Variants in TPTE observed in about 807,000 individuals in gnomAD.
TPTE encodes the protein putative tyrosine-protein phosphatase TPTE.
A neutral mutation model predicts 84.1 loss-of-function variants in TPTE; 59 were observed. That is an observed-to-expected ratio of 0.70 (90% CI 0.57 to 0.87). TPTE has a LOEUF of 0.87. TPTE is among the 40% of genes least tolerant of loss of function. TPTE has a pLI of 0.00. For missense variants in TPTE, 382 were observed against 659.6 expected, an observed-to-expected ratio of 0.58 and a Z score of 4.61; for synonymous variants, 130 against 223.5, an observed-to-expected ratio of 0.58 and a Z score of 3.73.
intron 14 of TPTE, among the ~76,000 whole-genome samples, chr21:10,572,168 C>T (rs1314734705): frequency 1.5e-4 from 23 of 152,276 alleles, no homozygotes; most frequent in African/African-American, 5.5e-4. Context: ...AGGGAATATT[C>T]ATCAGGTGCG....
At chr21:10,544,237 G>A (rs2074424564) in intron 7 of TPTE, among the ~76,000 whole-genome samples, 2 of 152,302 alleles carry the variant, frequency 1.3e-5, no homozygotes, top group Admixed American at 1.3e-4. Flanking sequence ...GCTGATTAAG[G>A]AAACATCTAG....
Position 10,605,572 on chromosome 21 carries a change from T to G in TPTE, c.*20T>G. The G allele has an allele frequency of 6.2e-7, 1 of 1,613,912 alleles. No homozygotes were observed. The highest frequency in any genetic ancestry group is 8.5e-7 in the Non-Finnish European group (1 of 1,179,850). On this transcript the variant is annotated 3_prime_UTR_variant, in exon 24 of 24. Transcript: ENST00000618007. ...GATTAAGTATAGCTCCCCCTTCCCC[T>G]TCTGGGAAAGAATTATGTTCTTTCC...
intron 21 of TPTE, among the ~76,000 whole-genome samples, chr21:10,600,474 C>CT (rs1978338021): frequency 6.6e-6 from 1 of 152,306 alleles, no homozygotes; most frequent in Non-Finnish European, 1.5e-5. Context: ...TATTGCTGGT[C>CT]TTTTTCCCTC....
intron 23 of TPTE, among the ~76,000 whole-genome samples, chr21:10,604,808 T>C (rs1381455274): frequency 6.6e-6 from 1 of 152,106 alleles, no homozygotes; most frequent in Non-Finnish European, 1.5e-5. Flanking sequence ...CTTTTATTCT[T>C]ATTTTATATA....
intron 14 of TPTE, among the ~76,000 whole-genome samples, chr21:10,571,141 A>G (rs564711389): frequency 9.7e-4 from 148 of 152,082 alleles, no homozygotes; most frequent in Admixed American, 8.0e-3. Context: ...GCATATGCCT[A>G]AGGCCTGAGA....
intron 18 of TPTE, among the ~76,000 whole-genome samples, chr21:10,592,009 C>CA (rs1430052566): frequency 6.6e-6 from 1 of 152,312 alleles, no homozygotes; most frequent in African/African-American, 2.4e-5. Context: ...ACTAAAAATA[C>CA]AAAAAATTAG....
At chr21:10,579,667 T>C (rs2075236338) in intron 17 of TPTE, among the ~76,000 whole-genome samples, 2 of 152,302 alleles carry the variant, frequency 1.3e-5, no homozygotes, top group Admixed American at 1.3e-4. Flanking sequence ...CTTATTTCAC[T>C]TAACATAATG....
At chr21:10,555,796 C>G (rs952260282) in intron 8 of TPTE, among the ~76,000 whole-genome samples, 3 of 152,308 alleles carry the variant, frequency 2.0e-5, no homozygotes, top group African/African-American at 4.8e-5. Context: ...CATTTCTAGT[C>G]TATCAATGTT....
intron 1 of TPTE, among the ~76,000 whole-genome samples, chr21:10,522,698 T>C (rs1162676649): frequency 6.6e-6 from 1 of 152,310 alleles, no homozygotes; most frequent in Admixed American, 6.5e-5. Flanking sequence ...TGGGTTGTTT[T>C]CTTACAATTG....
At chr21:10,528,447 G>C (rs1191065419) in intron 3 of TPTE, among the ~76,000 whole-genome samples, 1 of 152,308 alleles carries the variant, frequency 6.6e-6, no homozygotes. Flanking sequence ...TTTTAAGTAA[G>C]CTAAGTCATA....
At chr21:10,587,441 C>T (rs1286063636) in intron 17 of TPTE, among the ~76,000 whole-genome samples, 1 of 152,308 alleles carries the variant, frequency 6.6e-6, no homozygotes, top group Non-Finnish European at 1.5e-5. Context: ...CATTGTTTAG[C>T]TTTCACTTAT....
chr21:10,575,494 A>T (rs2055122872), intron 14 of TPTE, among the ~76,000 whole-genome samples: 1 of 152,312 alleles, frequency 6.6e-6, no homozygotes. Context: ...AGTGCAGCAC[A>T]CCTGCTCTAC....
In TPTE at chr21:10,539,984, G is replaced by A. The variant is rs547877499; in HGVS notation, c.12-1128G>A. Among the ~76,000 whole-genome samples, 3 of 152,430 alleles carry A rather than the reference G, an allele frequency of 2.0e-5. No homozygotes were observed. The South Asian group carries it at 6.2e-4, about 32-fold the overall frequency. On this transcript the variant is annotated intron_variant, in intron 4 of 23. Coordinates refer to ENST00000618007, the MANE Select transcript of TPTE (RefSeq NM_199261.4). ...AGATCATGCCACTGCACTCCAGCTT[G>A]GGTGACTGAGTGAGACTCTGTCTCA...
At chr21:10,547,163 C>T (rs367594498) in intron 7 of TPTE, among the ~76,000 whole-genome samples, 151 of 152,350 alleles carry the variant, frequency 9.9e-4, no homozygotes, top group East Asian at 3.7e-3. Flanking sequence ...GGGGCCCGTG[C>T]GAATTATGCT....
intron 14 of TPTE, among the ~76,000 whole-genome samples, chr21:10,571,038 C>T (rs1351952375): frequency 6.6e-6 from 1 of 152,246 alleles, no homozygotes; most frequent in African/African-American, 2.4e-5. Context: ...CCATTTGCCT[C>T]ATGCACTTCT....
At chr21:10,529,108 C>T (rs764674639) in intron 3 of TPTE, among the ~76,000 whole-genome samples, 93 of 152,008 alleles carry the variant, frequency 6.1e-4, no homozygotes, top group Non-Finnish European at 1.1e-3. Context: ...CACTTGAATC[C>T]GGGAAGCAGA....
At chr21:10,540,545 A>C (rs1259071263) in intron 4 of TPTE, among the ~76,000 whole-genome samples, 3 of 152,310 alleles carry the variant, frequency 2.0e-5, no homozygotes, top group Non-Finnish European at 4.4e-5. Flanking sequence ...GGAGTGGACA[A>C]AGATCAGAGA....
At chr21:10,589,388 C>G (rs1352459367) in intron 17 of TPTE, among the ~76,000 whole-genome samples, 4 of 152,410 alleles carry the variant, frequency 2.6e-5, no homozygotes, top group South Asian at 2.1e-4. Flanking sequence ...CTGTGTACTT[C>G]ATCCTTGTTT....
intron 1 of TPTE, among the ~76,000 whole-genome samples, chr21:10,522,232 C>A (rs1179654222): frequency 1.3e-5 from 2 of 152,292 alleles, no homozygotes; most frequent in Non-Finnish European, 2.9e-5. Context: ...CCTGCGCTTC[C>A]GCCCACGGGA....
Sources: allele counts gnomAD v4.1 joint callset (sites outside exome capture counted in the v4.1 genomes callset), GRCh38; gene constraint gnomAD v4.1.1; transcripts MANE v1.5; gene names NCBI Gene and HGNC (gene_info 2026-07-23, HGNC 2026-07-21).